The following ADAMTS3 variants were observed in gnomAD, a reference collection of about 807,000 sequenced individuals.
ADAMTS3 encodes ADAM metallopeptidase with thrombospondin type 1 motif 3.
In ADAMTS3, 73 loss-of-function variants were observed where a neutral mutation model predicts 129.0. That is an observed-to-expected ratio of 0.57 (90% CI 0.47 to 0.69). The LOEUF is 0.69. ADAMTS3 is among the 30% of genes least tolerant of loss of function. ADAMTS3 has a pLI of 0.00. For synonymous variants in ADAMTS3, 477 were observed against 510.8 expected (o/e 0.93, Z 0.89); for missense variants, 1,457 against 1,514.5 (o/e 0.96, Z 0.63).
intron 4 of ADAMTS3, among the ~76,000 whole-genome samples, chr4:72,352,517 C>G (rs1720467853): frequency 6.6e-6 from 1 of 151,984 alleles, no homozygotes; most frequent in South Asian, 2.1e-4. Flanking sequence ...CAAAACATTT[C>G]TTGAACACCT....
At chr4:72,401,094 A>G (rs1721902554) in intron 4 of ADAMTS3, among the ~76,000 whole-genome samples, 1 of 151,874 alleles carries the variant, frequency 6.6e-6, no homozygotes, top group African/African-American at 2.4e-5. Context: ...CAGTTACACT[A>G]GTCACATCTC....
chr4:72,444,091 T>A (rs2109963185), intron 3 of ADAMTS3, among the ~76,000 whole-genome samples: 1 of 151,932 alleles, frequency 6.6e-6, no homozygotes, highest in Middle Eastern at 3.4e-3. Context: ...GGCAGCAGGC[T>A]GCACAGCTAT....
intron 2 of ADAMTS3, among the ~76,000 whole-genome samples, chr4:72,553,949 G>A (rs912217520): frequency 9.2e-5 from 14 of 151,836 alleles, no homozygotes; most frequent in African/African-American, 2.9e-4. Flanking sequence ...AGTCAAGAAG[G>A]GTATTTTTTA....
intron 2 of ADAMTS3, among the ~76,000 whole-genome samples, chr4:72,565,641 A>C (rs1340093771): frequency 1.3e-5 from 2 of 152,220 alleles, no homozygotes; most frequent in Non-Finnish European, 1.5e-5. Context: ...GAAATCCCAT[A>C]AAACAGATGA....
At chr4:72,413,761 T>G (rs1722236621) in intron 4 of ADAMTS3, among the ~76,000 whole-genome samples, 1 of 151,956 alleles carries the variant, frequency 6.6e-6, no homozygotes, top group Non-Finnish European at 1.5e-5. Context: ...CTATTATTAC[T>G]CATACCAAGT....
At chr4:72,298,480 G>A (rs1052448690) in intron 17 of ADAMTS3, 38 bp from the exon 18 acceptor site, 2 of 1,465,804 alleles carry the variant, frequency 1.4e-6, no homozygotes, top group Non-Finnish European at 1.8e-6. Flanking sequence ...AATCACCTGA[G>A]GGTTTTAAAT....
intron 21 of ADAMTS3, among the ~76,000 whole-genome samples, chr4:72,285,876 C>G (rs898504718): frequency 1.3e-5 from 2 of 151,950 alleles, no homozygotes; most frequent in Non-Finnish European, 2.9e-5. Flanking sequence ...TCTCGTTCCA[C>G]CCCCAAATCA....
At chr4:72,552,099 C>A (rs576288607) in intron 2 of ADAMTS3, among the ~76,000 whole-genome samples, 1 of 152,158 alleles carries the variant, frequency 6.6e-6, no homozygotes, top group Non-Finnish European at 1.5e-5. Context: ...TTATATCCAA[C>A]GTTAATTTAC....
At chr4:72,564,214 C>G (rs1490287815) in intron 2 of ADAMTS3, among the ~76,000 whole-genome samples, 1 of 152,020 alleles carries the variant, frequency 6.6e-6, no homozygotes, top group Non-Finnish European at 1.5e-5. Flanking sequence ...ATGCTTTTTC[C>G]TCAAATGATA....
chr4:72,406,737 A>C (rs536368510), intron 4 of ADAMTS3, among the ~76,000 whole-genome samples: 2 of 152,310 alleles, frequency 1.3e-5, no homozygotes, highest in East Asian at 3.9e-4. Context: ...AATCCAAATA[A>C]AGTAGGGTTT....
intron 19 of ADAMTS3, among the ~76,000 whole-genome samples, chr4:72,293,520 A>G (rs1448089852): frequency 6.6e-6 from 1 of 152,102 alleles, no homozygotes; most frequent in Non-Finnish European, 1.5e-5. Flanking sequence ...CAGCCTTTAA[A>G]CTGGCTTACA....
chr4:72,440,179 T>C (rs954231843), intron 3 of ADAMTS3, among the ~76,000 whole-genome samples: 1 of 151,828 alleles, frequency 6.6e-6, no homozygotes, highest in Non-Finnish European at 1.5e-5. Context: ...AGTGTCAAAG[T>C]GGACAAATGA....
At chr4:72,548,288 A>T (rs955013137) in intron 3 of ADAMTS3, among the ~76,000 whole-genome samples, 190 bp downstream of exon 3, 3 of 152,192 alleles carry the variant, frequency 2.0e-5, no homozygotes, top group Non-Finnish European at 4.4e-5. Flanking sequence ...ATTCCAAGAA[A>T]CAAAATTGTC....
At chr4:72,516,751 T>A (rs1335515119) in intron 3 of ADAMTS3, among the ~76,000 whole-genome samples, 2 of 152,010 alleles carry the variant, frequency 1.3e-5, no homozygotes, top group East Asian at 3.9e-4. Context: ...GACAATGGGG[T>A]TTTCTAGATA....
At chr4:72,384,786 ATTTC>A (rs1263709894) in intron 4 of ADAMTS3, among the ~76,000 whole-genome samples, 9 of 152,318 alleles carry the variant, frequency 5.9e-5, no homozygotes, top group African/African-American at 2.2e-4. Context: ...TTTCTATTCA[ATTTC>A]TTTAAAATAT....
chr4:72,383,062 T>A (rs1721336869), intron 4 of ADAMTS3, among the ~76,000 whole-genome samples: 1 of 151,762 alleles, frequency 6.6e-6, no homozygotes, highest in African/African-American at 2.4e-5. Flanking sequence ...AAAAAGAATA[T>A]CCTGTGAATA....
intron 5 of ADAMTS3, 109 bp downstream of exon 5, chr4:72,339,385 A>G: frequency 3.2e-6 from 3 of 924,360 alleles, no homozygotes; most frequent in Non-Finnish European, 5.1e-6. Context: ...CATCATGCAC[A>G]TATTTTGGCA....
intron 4 of ADAMTS3, among the ~76,000 whole-genome samples, chr4:72,388,764 G>C (rs2109889560): frequency 6.6e-6 from 1 of 152,212 alleles, no homozygotes; most frequent in Non-Finnish European, 1.5e-5. Flanking sequence ...TCAGCATATA[G>C]TCCTGTTCAT....
chr4:72,536,965 T>C (rs755370545), intron 3 of ADAMTS3, among the ~76,000 whole-genome samples: 9 of 152,202 alleles, frequency 5.9e-5, no homozygotes, highest in African/African-American at 9.7e-5. Flanking sequence ...AAAAAGGTGA[T>C]AGAATAGGAA....
Sources: gnomAD v4.1 joint callset for allele counts (sites outside exome capture counted in the v4.1 genomes callset) on GRCh38, gnomAD v4.1.1 for gene constraint, MANE v1.5 for transcripts, NCBI Gene and HGNC (gene_info 2026-07-23, HGNC 2026-07-21) for gene names.